DNAH7: variants seen among roughly 807,000 people sequenced by gnomAD.
DNAH7 encodes the protein axonemal beta dynein heavy chain 7.
In DNAH7, 397 loss-of-function variants were observed where a neutral mutation model predicts 444.6. The observed-to-expected ratio is 0.89, with a 90% CI of 0.82 to 0.97. The LOEUF (loss-of-function observed/expected upper bound fraction) is 0.97. DNAH7 is among the 50% of genes least tolerant of loss of function. The probability of loss-of-function intolerance (pLI) is 0.00; values close to 1 mark genes in which losing one functional copy is unlikely to be tolerated. For synonymous variants in DNAH7, 1,636 were observed against 1,624.4 expected, an observed-to-expected ratio of 1.01 and a Z score of -0.17; for missense variants, 4,902 against 4,800.8, an observed-to-expected ratio of 1.02 and a Z score of -0.62.
At chr2:195,779,127 CGT>C (rs1559090366) in intron 58 of DNAH7, among the ~76,000 whole-genome samples, 2 of 152,246 alleles carry the variant, frequency 1.3e-5, no homozygotes, top group African/African-American at 4.8e-5. Context: ...ACAGGCGTGA[CGT>C]ACCGCTCCCA....
At chr2:195,810,263 T>C (rs1191543216) in intron 51 of DNAH7, among the ~76,000 whole-genome samples, 2 of 152,204 alleles carry the variant, frequency 1.3e-5, no homozygotes, top group Non-Finnish European at 2.9e-5. Context: ...TAGTCTAAAA[T>C]TAGTAGCTTC....
chr2:196,004,987 A>T (rs1034462257), intron 10 of DNAH7, among the ~76,000 whole-genome samples: 10 of 132,700 alleles, frequency 7.5e-5, no homozygotes, highest in Non-Finnish European at 1.4e-4. Context: ...AAAAAAAAAA[A>T]GGGCTGGGTG....
At position 196,060,228 on chromosome 2, in the gene DNAH7, AAAAC is replaced by A. The variant is rs1698061577; in HGVS notation, c.16-2116_16-2113del. ...GAGAGACACTGTCTCAAAAAAAAGAAAAACAAAAACAAACAAACAAAAAAACTAC... is the reference window on the plus strand; with the variant it reads ...GAGAGACACTGTCTCAAAAAAAAGAAAAAAACAAACAAACAAAAAAACTAC... On this transcript the variant is annotated intron_variant, in intron 1 of 64. Transcript: ENST00000312428. 2.0e-5 allele frequency among the ~76,000 whole-genome samples: 3 copies of A among 152,180 alleles called. 1 individual carries two copies. The highest frequency in any genetic ancestry group is 1.3e-4 in the Admixed American group (2 of 15,278).
rs556428586 is a variant in DNAH7 at position 195,819,670 on chromosome 2, C to T, written c.9292-1841G>A. 2.0e-5 allele frequency among the ~76,000 whole-genome samples: 3 copies of T among 152,066 alleles called. No homozygotes were observed. The South Asian group carries it at 6.2e-4, about 31-fold the overall frequency. On this transcript the variant is annotated intron_variant, in intron 49 of 64. Transcript: ENST00000312428. ...CTCTGAGAGTGGACAGCTTGCAATGCTACAGGAGCACAGAGGGCACCCAAC... is the reference window on the plus strand; with the variant it reads ...CTCTGAGAGTGGACAGCTTGCAATGTTACAGGAGCACAGAGGGCACCCAAC...
At chr2:195,934,476 G>T in intron 21 of DNAH7, 115 bp downstream of exon 21, 1 of 1,105,420 alleles carries the variant, frequency 9.0e-7, no homozygotes, top group Non-Finnish European at 1.3e-6. Flanking sequence ...CATTTGAATT[G>T]GTAATTCCAT....
At chr2:195,850,065 G>A (rs1222113217) in intron 46 of DNAH7, among the ~76,000 whole-genome samples, 1 of 152,210 alleles carries the variant, frequency 6.6e-6, no homozygotes, top group Non-Finnish European at 1.5e-5. Context: ...AGTTTCTGCA[G>A]AATGCTCAGC....
intron 61 of DNAH7, among the ~76,000 whole-genome samples, chr2:195,759,887 T>C (rs1574387391): frequency 6.6e-6 from 1 of 152,090 alleles, no homozygotes; most frequent in Non-Finnish European, 1.5e-5. Context: ...ATGTTGACCA[T>C]GCTGCTCTCC....
rs79278731 is a variant in DNAH7, at chr2:195,834,202, A to G, written c.9100+4T>C. On this transcript the variant is annotated splice_donor_region_variant and intron_variant, in intron 48 of 64. Coordinates refer to ENST00000312428, the MANE Select transcript of DNAH7 (RefSeq NM_018897.3). ...TAATGTATCTTAGTTATTCAACTAC[A>G]TACCAGGAGTACCAAACTGGATGCA... 3.5e-3 allele frequency: 5,555 copies of G among 1,601,536 alleles called. 153 individuals are homozygous for G. In the African/African-American group the frequency reaches 0.061, roughly 17 times the overall value.
At chr2:195,920,256 C>T (rs1687943731) in intron 24 of DNAH7, among the ~76,000 whole-genome samples, 1 of 152,074 alleles carries the variant, frequency 6.6e-6, no homozygotes, top group Non-Finnish European at 1.5e-5. Flanking sequence ...CTAGCCAAAG[C>T]AAAACTAAGT....
intron 31 of DNAH7, 122 bp from the exon 32 acceptor site, chr2:195,889,103 C>T (rs895442974): frequency 3.4e-5 from 30 of 880,920 alleles, no homozygotes; most frequent in African/African-American, 2.2e-4. Context: ...ATCATGAAAA[C>T]GTAAAAGCAC....
intron 27 of DNAH7, among the ~76,000 whole-genome samples, chr2:195,906,410 A>AACACACACACACACAC (rs150739355): frequency 4.9e-4 from 69 of 139,842 alleles, no homozygotes; most frequent in African/African-American, 1.6e-3. Flanking sequence ...TACACACAGA[A>AACACACACACACACAC]ACACACACAC....
At chr2:195,850,463 A>T (rs545101842) in intron 46 of DNAH7, among the ~76,000 whole-genome samples, 1 of 152,348 alleles carries the variant, frequency 6.6e-6, no homozygotes, top group African/African-American at 2.4e-5. Context: ...TATTCATAAT[A>T]GCACTGTAGG....
intron 58 of DNAH7, among the ~76,000 whole-genome samples, chr2:195,778,907 G>C (rs1052367423): frequency 1.4e-5 from 2 of 147,574 alleles, no homozygotes; most frequent in African/African-American, 5.0e-5. Context: ...GCAATGGCAC[G>C]ATCTCGGCTC....
At chr2:196,034,115 A>AT (rs1696233053) in intron 5 of DNAH7, among the ~76,000 whole-genome samples, 2 of 152,190 alleles carry the variant, frequency 1.3e-5, no homozygotes, top group African/African-American at 4.8e-5. Context: ...AAGAAATAAA[A>AT]TTGTTTTTAC....
chr2:196,066,053 T>C (rs1698411640), intron 1 of DNAH7, among the ~76,000 whole-genome samples: 1 of 152,246 alleles, frequency 6.6e-6, no homozygotes. Context: ...CATTCTAAAA[T>C]TAAAATTGCT....
At chr2:195,956,999 G>C (rs937300955) in intron 19 of DNAH7, among the ~76,000 whole-genome samples, 3 of 152,122 alleles carry the variant, frequency 2.0e-5, no homozygotes, top group African/African-American at 7.2e-5. Context: ...CAGTGCATCA[G>C]ATAAGAACCA....
intron 48 of DNAH7, among the ~76,000 whole-genome samples, chr2:195,833,966 G>A (rs1387203774): frequency 1.3e-5 from 2 of 152,116 alleles, no homozygotes; most frequent in African/African-American, 2.4e-5. Flanking sequence ...ACCTGTCTTA[G>A]GAGGCCAAGG....
chr2:195,896,625 G>A (rs1291251852), intron 29 of DNAH7, among the ~76,000 whole-genome samples: 4 of 152,224 alleles, frequency 2.6e-5, no homozygotes, highest in South Asian at 4.1e-4. Context: ...TTTGCTGAAT[G>A]AATATACAAC....
chr2:195,880,869 A>T (rs1701334480), intron 36 of DNAH7, among the ~76,000 whole-genome samples: 1 of 152,206 alleles, frequency 6.6e-6, no homozygotes, highest in South Asian at 2.1e-4. Flanking sequence ...GCTGAAATTG[A>T]TGAAGGTATA....
Sources: allele counts gnomAD v4.1 joint callset (sites outside exome capture counted in the v4.1 genomes callset), GRCh38; gene constraint gnomAD v4.1.1; transcripts MANE v1.5; gene names NCBI Gene and HGNC (gene_info 2026-07-23, HGNC 2026-07-21).